The following SH3YL1 variants were observed in gnomAD, a reference collection of about 807,000 sequenced individuals.
SH3YL1 encodes the protein SH3 domain-containing YSC84-like protein 1.
Under a neutral mutation model 45.8 loss-of-function variants are expected in SH3YL1, and 41 were observed. The ratio of observed to expected loss-of-function variants is 0.89; its 90% CI spans 0.70 to 1.16. The LOEUF is 1.16. Ranked by LOEUF, SH3YL1 falls within the 50% of genes most tolerant of loss-of-function variation. The pLI is 0.00. For missense variants in SH3YL1, 389 were observed against 409.6 expected, an observed-to-expected ratio of 0.95 and a Z score of 0.43; for synonymous variants, 152 against 151.4, an observed-to-expected ratio of 1.00 and a Z score of -0.03.
intron 8 of SH3YL1, among the ~76,000 whole-genome samples, chr2:227,824 G>A (rs368021377): frequency 1.3e-5 from 2 of 150,882 alleles, no homozygotes; most frequent in African/African-American, 4.9e-5. Flanking sequence ...CACAACAAAG[G>A]AAAAGAAAAA....
chr2:253,686 A>T (rs550148793), intron 1 of SH3YL1, among the ~76,000 whole-genome samples: 2 of 152,246 alleles, frequency 1.3e-5, no homozygotes, highest in African/African-American at 4.8e-5. Context: ...CCATGCCACT[A>T]CTCCACCTAT....
At chr2:231,306 C>G in intron 6 of SH3YL1, 115 bp from the exon 7 acceptor site, 1 of 751,888 alleles carries the variant, frequency 1.3e-6, no homozygotes, top group Middle Eastern at 3.8e-4. Context: ...CATAGCACTT[C>G]ATATACACTA....
intron 8 of SH3YL1, among the ~76,000 whole-genome samples, chr2:225,515 C>G (rs577580806): frequency 6.6e-6 from 1 of 152,228 alleles, no homozygotes; most frequent in African/African-American, 2.4e-5. Flanking sequence ...GCCCACACCC[C>G]CTTTTGCAGT....
chr2:256,619 G>A (rs1669344551), intron 1 of SH3YL1: 1 of 152,238 alleles, frequency 6.6e-6, no homozygotes, highest in Non-Finnish European at 1.5e-5. Context: ...CTTGAACCTG[G>A]AAGGTGGAGG....
At chr2:231,406 C>A (rs556704210) in intron 6 of SH3YL1, among the ~76,000 whole-genome samples, 3 of 152,094 alleles carry the variant, frequency 2.0e-5, no homozygotes, top group Non-Finnish European at 4.4e-5. Flanking sequence ...CCATAAATAT[C>A]CTTATATGTA....
rs186243005 is a variant in SH3YL1 at position 240,824 on chromosome 2, T to C, written c.292-6552A>G. ...ACTATATGCATGCCCATAGACAACA[T>C]TGGAGGCTTCACAGTAGTGGGGCAC... On this transcript the variant is annotated intron_variant, in intron 4 of 9. Transcript: ENST00000356150. 1.4e-3 allele frequency: 214 copies of C among 152,214 alleles called. 3 individuals are homozygous for C. Among genetic ancestry groups the C allele is most frequent in the East Asian group, 0.011 (55 of 5,170 alleles). The allele number at this position is 152,214 out of a possible 1,614,324, so 9.4% of individuals were successfully genotyped here.
chr2:230,032 G>A lies in SH3YL1; in HGVS notation c.715C>T (p.Pro239Ser), dbSNP rs561656740. 2 of 1,602,634 alleles carry A rather than the reference G, an allele frequency of 1.2e-6. No individual in the cohort carries two copies. The highest frequency in any genetic ancestry group is 1.3e-5 in the African/African-American group (1 of 74,704). ...TGTGGTCTTGACAATGGCTTTGGAG[G>A]TAATTCTTTAGCCTGGGAGAAACAA... ...EQRKSSAKEL[P>S]PKPLSRPQQS... is the part of the protein sequence containing the mutation. Residue 239 changes from proline to serine, a missense_variant, in exon 8 of 10, where the codon CCT becomes TCT. Coordinates refer to ENST00000356150, the MANE Select transcript of SH3YL1 (RefSeq NM_015677.4).
chr2:250,896 G>C (rs1230627206), intron 2 of SH3YL1, among the ~76,000 whole-genome samples: 2 of 152,170 alleles, frequency 1.3e-5, no homozygotes, highest in South Asian at 4.1e-4. Context: ...TCTACTAAGT[G>C]TACTTTATTT....
chr2:229,407 T>G (rs1035604792), intron 8 of SH3YL1, among the ~76,000 whole-genome samples: 3 of 152,214 alleles, frequency 2.0e-5, no homozygotes, highest in African/African-American at 7.2e-5. Flanking sequence ...AGAAAACCTT[T>G]GAAGATAAAT....
chr2:230,298 C>A (rs1667979748), intron 7 of SH3YL1: 2 of 316,620 alleles, frequency 6.3e-6, no homozygotes, highest in Admixed American at 9.0e-5. Flanking sequence ...ACCACCTGTG[C>A]AAGGTCTTAG....
intron 7 of SH3YL1, 83 bp downstream of exon 7, chr2:230,940 T>C: frequency 7.2e-7 from 1 of 1,395,318 alleles, no homozygotes; most frequent in African/African-American, 1.4e-5. Context: ...AGTAGGTTCT[T>C]AGGAACCTGA....
At chr2:234,060 T>C (rs1169453240) in intron 5 of SH3YL1, 100 bp downstream of exon 5, 2 of 835,850 alleles carry the variant, frequency 2.4e-6, no homozygotes, top group African/African-American at 3.4e-5. Context: ...AATCTGGGGA[T>C]GTACAAATCT....
At chr2:244,460 C>T (rs1668694727) in intron 4 of SH3YL1, among the ~76,000 whole-genome samples, 1 of 150,692 alleles carries the variant, frequency 6.6e-6, no homozygotes, top group Non-Finnish European at 1.5e-5. Context: ...TGCTCCACTG[C>T]ACTCCAGCCT....
intron 4 of SH3YL1, chr2:244,503 A>G (rs1668697906): frequency 6.6e-6 from 1 of 151,146 alleles, no homozygotes; most frequent in African/African-American, 2.4e-5. Flanking sequence ...CTCAAAAGAA[A>G]GAAAGAAAGA....
intron 1 of SH3YL1, among the ~76,000 whole-genome samples, chr2:258,597 G>A (rs1393024081): frequency 2.6e-5 from 4 of 152,182 alleles, no homozygotes; most frequent in Non-Finnish European, 5.9e-5. Context: ...TGTGTTAGCA[G>A]GCAGTGAGTT....
At position 227,078 on chromosome 2, in the gene SH3YL1, TA is replaced by T. The variant is rs1162204350; in HGVS notation, c.782-2159del. Among the ~76,000 whole-genome samples the T allele has an allele frequency of 2.6e-5, 4 of 151,376 alleles. No homozygotes were observed. The East Asian group carries it at 7.9e-4, about 30-fold the overall frequency. On this transcript the variant is annotated intron_variant, in intron 8 of 9. Transcript: ENST00000356150. The stretch of plus-strand genomic sequence containing the variant: ...AAATGCCTATGGCGGGAAGCAACTA[TA>T]GTGGGGACTATTATGGTGGGAAGGT...
intron 1 of SH3YL1, chr2:262,404 A>G (rs1297857225): frequency 3.0e-6 from 1 of 329,338 alleles, no homozygotes; most frequent in African/African-American, 2.2e-5. Flanking sequence ...GAGGACAGCG[A>G]AAGCTTTCTC....
intron 4 of SH3YL1, among the ~76,000 whole-genome samples, chr2:238,149 TTCC>T (rs1668387133): frequency 6.6e-6 from 1 of 152,126 alleles, no homozygotes. Context: ...AAAGCTGGGC[TTCC>T]TCCTCCACCC....
chr2:264,557 C>A (rs112143244), upstream of SH3YL1: 173 of 189,172 alleles, frequency 9.1e-4, 1 homozygote, highest in African/African-American at 4.0e-3. Context: ...GCGGCTCCTT[C>A]CCCTCCAAGC....
Sources: gnomAD v4.1 joint callset for allele counts (sites outside exome capture counted in the v4.1 genomes callset) on GRCh38, gnomAD v4.1.1 for gene constraint, MANE v1.5 for transcripts, NCBI Gene and HGNC (gene_info 2026-07-23, HGNC 2026-07-21) for gene names.